The following CWC27 variants were observed in gnomAD, a reference collection of about 807,000 sequenced individuals.
CWC27 encodes CWC27 spliceosome associated cyclophilin, also known as spliceosome-associated protein CWC27 homolog.
CWC27 carries 47 observed loss-of-function variants against 63.6 expected under a neutral mutation model. The observed-to-expected ratio is 0.74, with a 90% CI of 0.58 to 0.94. The LOEUF is 0.94. CWC27 is among the 40% of genes least tolerant of loss of function. The pLI, the probability that CWC27 is intolerant of heterozygous loss-of-function variation, is 0.00. For synonymous variants in CWC27, 175 were observed against 179.8 expected, an observed-to-expected ratio of 0.97 and a Z score of 0.22; for missense variants, 495 against 554.3, an observed-to-expected ratio of 0.89 and a Z score of 1.07.
At chr5:64,846,395 G>A (rs531010885) in intron 10 of CWC27, among the ~76,000 whole-genome samples, 2 of 152,212 alleles carry the variant, frequency 1.3e-5, no homozygotes, top group African/African-American at 4.8e-5. Context: ...AAAACATAAT[G>A]TTGAGGGGGT....
At chr5:64,772,607 A>G (rs1743301259) in intron 1 of CWC27, among the ~76,000 whole-genome samples, 1 of 114,650 alleles carries the variant, frequency 8.7e-6, no homozygotes, top group Non-Finnish European at 1.7e-5. Context: ...GGTCTGGGAG[A>G]CAGTGAGACT....
At chr5:64,909,253 G>A (rs1049508052) in intron 11 of CWC27, among the ~76,000 whole-genome samples, 3 of 151,798 alleles carry the variant, frequency 2.0e-5, no homozygotes, top group Non-Finnish European at 4.4e-5. Context: ...AGAGATTTCA[G>A]TGGAAACCTC....
In CWC27 at chr5:64,835,174, A is replaced by G. The variant is rs149464470; in HGVS notation, c.938+30788A>G. ...CATAATAGACTGAAGAAAGTTTTCT[A>G]ACAATAGATGATTTCCACAAAAATT... On this transcript the variant is annotated intron_variant, in intron 10 of 13. Coordinates refer to ENST00000381070, the MANE Select transcript of CWC27 (RefSeq NM_005869.4). Among the ~76,000 whole-genome samples the G allele has an allele frequency of 2.3e-3, 356 of 151,974 alleles. 1 individual carries two copies. The highest frequency in any genetic ancestry group is 8.3e-3 in the African/African-American group (343 of 41,544).
chr5:64,896,037 C>T (rs1194388078), intron 11 of CWC27, among the ~76,000 whole-genome samples: 2 of 151,854 alleles, frequency 1.3e-5, no homozygotes, highest in Non-Finnish European at 2.9e-5. Flanking sequence ...GAAGTCTCCC[C>T]AAAACTAAAA....
At chr5:64,819,840 C>A (rs534683978) in intron 10 of CWC27, among the ~76,000 whole-genome samples, 2 of 152,264 alleles carry the variant, frequency 1.3e-5, no homozygotes, top group Non-Finnish European at 2.9e-5. Context: ...GAATTACAAC[C>A]TAAGGATGGT....
intron 11 of CWC27, among the ~76,000 whole-genome samples, chr5:64,890,329 T>A (rs1747200222): frequency 6.6e-6 from 1 of 152,168 alleles, no homozygotes; most frequent in Admixed American, 6.5e-5. Context: ...CAGACTAGAG[T>A]CCCTCAGGCT....
At chr5:64,937,515 A>C (rs1356439430) in intron 11 of CWC27, among the ~76,000 whole-genome samples, 1 of 152,150 alleles carries the variant, frequency 6.6e-6, no homozygotes, top group Non-Finnish European at 1.5e-5. Flanking sequence ...AGTTCCAGTT[A>C]TATGGTAAAT....
chr5:64,790,898 C>T (rs182377652), intron 7 of CWC27, among the ~76,000 whole-genome samples: 3 of 152,202 alleles, frequency 2.0e-5, no homozygotes, highest in East Asian at 3.9e-4. Flanking sequence ...AATAACTCAT[C>T]CATGATCATG....
intron 11 of CWC27, among the ~76,000 whole-genome samples, chr5:64,909,438 T>C (rs899939949): frequency 6.6e-6 from 1 of 152,186 alleles, no homozygotes; most frequent in Non-Finnish European, 1.5e-5. Flanking sequence ...TCAAGGAGTA[T>C]CTTTGTGGTG....
At chr5:64,806,280 A>T (rs1162847950) in intron 10 of CWC27, among the ~76,000 whole-genome samples, 2 of 152,200 alleles carry the variant, frequency 1.3e-5, no homozygotes, top group Non-Finnish European at 2.9e-5. Context: ...TCTACTAAGA[A>T]AATTAAATAA....
At chr5:64,833,124 G>A (rs968424021) in intron 10 of CWC27, among the ~76,000 whole-genome samples, 2 of 151,716 alleles carry the variant, frequency 1.3e-5, no homozygotes, top group African/African-American at 4.8e-5. Context: ...CTGGTAGATG[G>A]TAAGCCCACG....
intron 13 of CWC27, among the ~76,000 whole-genome samples, chr5:64,993,159 G>A (rs1225477999): frequency 6.6e-6 from 1 of 152,124 alleles, no homozygotes; most frequent in Non-Finnish European, 1.5e-5. Context: ...TCAGTATAGT[G>A]CCTGACCCTT....
At chr5:65,011,479 G>T (rs1010282269) in intron 13 of CWC27, among the ~76,000 whole-genome samples, 1 of 152,184 alleles carries the variant, frequency 6.6e-6, no homozygotes, top group South Asian at 2.1e-4. Context: ...TAGAGGCAGC[G>T]AGGAAGAAGG....
At chr5:64,829,465 AAT>A (rs1357355298) in intron 10 of CWC27, among the ~76,000 whole-genome samples, 1 of 152,086 alleles carries the variant, frequency 6.6e-6, no homozygotes. Flanking sequence ...TCGAGAAAGA[AAT>A]ATGTAACTTA....
At chr5:64,769,338 C>G (rs967048520) in intron 1 of CWC27, 150 bp downstream of exon 1, 17 of 700,724 alleles carry the variant, frequency 2.4e-5, no homozygotes, top group Non-Finnish European at 2.8e-5. Flanking sequence ...AATGTTGCAT[C>G]GAAACACTGA....
At chr5:64,932,987 T>C (rs59799904) in intron 11 of CWC27, among the ~76,000 whole-genome samples, 15,545 of 152,160 alleles carry the variant, frequency 0.1, 2,531 homozygotes, top group African/African-American at 0.35. Context: ...TTATTGTATA[T>C]TAAATTAAGT....
chr5:64,872,764 C>G (rs1284741760), intron 10 of CWC27, among the ~76,000 whole-genome samples: 1 of 152,158 alleles, frequency 6.6e-6, no homozygotes, highest in Non-Finnish European at 1.5e-5. Flanking sequence ...CTCTTTAAAT[C>G]CTGATCGACA....
At chr5:64,843,556 T>C (rs568606279) in intron 10 of CWC27, among the ~76,000 whole-genome samples, 24 of 152,246 alleles carry the variant, frequency 1.6e-4, no homozygotes, top group African/African-American at 5.5e-4. Flanking sequence ...CAGAAATCAG[T>C]CCACTTTTTA....
chr5:64,937,844 A>G (rs1212303725), intron 11 of CWC27, among the ~76,000 whole-genome samples: 1 of 150,786 alleles, frequency 6.6e-6, no homozygotes, highest in Non-Finnish European at 1.5e-5. Context: ...TTACCATTAT[A>G]TAATGCCCTT....
Sources: gnomAD v4.1 joint callset for allele counts (sites outside exome capture counted in the v4.1 genomes callset) on GRCh38, gnomAD v4.1.1 for gene constraint, MANE v1.5 for transcripts, NCBI Gene and HGNC (gene_info 2026-07-23, HGNC 2026-07-21) for gene names.